Variants in FBXO16 observed in about 807,000 individuals in gnomAD.
The protein encoded by FBXO16 is F-box protein 16, also known as F-box only protein 16.
Under a neutral mutation model 41.0 loss-of-function variants are expected in FBXO16, and 31 were observed. The observed-to-expected ratio is 0.76, with a 90% CI of 0.57 to 1.02. The LOEUF is 1.02. FBXO16 is among the 50% of genes least tolerant of loss of function. The pLI is 0.00. For missense variants in FBXO16, 361 were observed against 346.2 expected (o/e 1.04, Z -0.34); for synonymous variants, 133 against 117.8 (o/e 1.13, Z -0.84).
intron 3 of FBXO16, 69 bp from the exon 4 acceptor site, chr8:28,463,887 T>A: frequency 7.0e-7 from 1 of 1,421,634 alleles, no homozygotes; most frequent in Non-Finnish European, 9.8e-7. Flanking sequence ...TCATTACGAG[T>A]AAGACATGAC....
In FBXO16 at chr8:28,447,724, C is replaced by T. The variant is rs541785133; in HGVS notation, c.741-451G>A. On this transcript the variant is annotated intron_variant, in intron 6 of 8. Coordinates refer to ENST00000380254, the MANE Select transcript of FBXO16 (RefSeq NM_172366.4). ...ATCCCAGCACTTTGGGAGGCCAAGG[C>T]GGGTGGATCACCTGAGGTCAGGGGT... Among the ~76,000 whole-genome samples, 11 of 152,262 alleles carry T rather than the reference C, an allele frequency of 7.2e-5. No individual in the cohort carries two copies. In the South Asian group the frequency reaches 2.1e-3, roughly 29 times the overall value.
intron 7 of FBXO16, among the ~76,000 whole-genome samples, chr8:28,433,178 G>A (rs375352385): frequency 3.0e-4 from 45 of 152,174 alleles, no homozygotes; most frequent in African/African-American, 1.0e-3. Flanking sequence ...GTAATTCAAA[G>A]ATATTTTTCT....
intron 2 of FBXO16, 71 bp downstream of exon 2, chr8:28,483,277 T>C (rs1803544062): frequency 7.5e-7 from 1 of 1,327,596 alleles, no homozygotes; most frequent in Non-Finnish European, 1.1e-6. Context: ...CATATTTTGG[T>C]AAGTAAAATT....
intron 2 of FBXO16, among the ~76,000 whole-genome samples, chr8:28,478,737 C>T (rs769686715): frequency 1.3e-5 from 2 of 149,910 alleles, no homozygotes; most frequent in African/African-American, 2.5e-5. Context: ...GCAGGAGAAT[C>T]GCTTGAACTG....
chr8:28,446,565 C>A (rs564495178), intron 7 of FBXO16, among the ~76,000 whole-genome samples: 2 of 151,918 alleles, frequency 1.3e-5, no homozygotes, highest in South Asian at 4.2e-4. Context: ...GAAGAAAGAA[C>A]CACTGATAAA....
rs35959759 is a variant in FBXO16 at position 28,478,821 on chromosome 8, C to CAAAAAAAA, written c.99+4519_99+4526dup. On this transcript the variant is annotated intron_variant, in intron 2 of 8. Coordinates refer to ENST00000380254, the MANE Select transcript of FBXO16 (RefSeq NM_172366.4). Reference sequence around the variant, plus strand: ...TGGGCAACACAATGAATTCTGTCTCCAAAAAAAAAAAAAAAAAAAAATTGT... The same window carrying CAAAAAAAA: ...TGGGCAACACAATGAATTCTGTCTCCAAAAAAAAAAAAAAAAAAAAAAAAAAAAATTGT... 5.2e-3 allele frequency among the ~76,000 whole-genome samples: 617 copies of CAAAAAAAA among 117,690 alleles called. 3 individuals are homozygous for CAAAAAAAA. The highest frequency in any genetic ancestry group is 0.019 in the African/African-American group (582 of 30,702). 77.2% of individuals were successfully genotyped at this position (117,690 alleles called of 152,430 possible).
chr8:28,431,996 C>G (rs1049188146), intron 7 of FBXO16, among the ~76,000 whole-genome samples: 14 of 138,022 alleles, frequency 1.0e-4, no homozygotes, highest in African/African-American at 5.0e-4. Context: ...TCCAGTGATA[C>G]TGCATATGTA....
Position 28,438,030 on chromosome 8 carries a change from T to C in FBXO16, c.844-8627A>G, listed in dbSNP as rs545082086. 3.3e-5 allele frequency among the ~76,000 whole-genome samples: 5 copies of C among 152,214 alleles called. No homozygotes were observed. In the East Asian group the frequency reaches 9.7e-4, roughly 29 times the overall value. On this transcript the variant is annotated intron_variant, in intron 7 of 8. Coordinates refer to ENST00000380254, the MANE Select transcript of FBXO16 (RefSeq NM_172366.4). ...TTTCTTACACAGTGGAAACTGACTA[T>C]AAGGGCCAGGTGCAGTGGCTCACAT...
intron 1 of FBXO16, among the ~76,000 whole-genome samples, chr8:28,484,737 G>A (rs143456786): frequency 0.028 from 4,274 of 151,068 alleles, 182 homozygotes; most frequent in African/African-American, 0.098. Context: ...GACTACAGGC[G>A]CCCGCCATCA....
chr8:28,480,118 T>G (rs1406225170), intron 2 of FBXO16, among the ~76,000 whole-genome samples: 1 of 152,160 alleles, frequency 6.6e-6, no homozygotes, highest in Non-Finnish European at 1.5e-5. Context: ...TCTCTGCCTT[T>G]CCTTTTGTTT....
intron 6 of FBXO16, among the ~76,000 whole-genome samples, chr8:28,449,745 GTGAGGATCA>G (rs1468791067): frequency 1.3e-5 from 2 of 151,942 alleles, no homozygotes; most frequent in Admixed American, 1.3e-4. Flanking sequence ...AGGCTGAGGT[GTGAGGATCA>G]TGAGGTTAGG....
Position 28,454,753 on chromosome 8 carries a change from G to GAAAAAA in FBXO16, c.507+2012_507+2013insTTTTTT, listed in dbSNP as rs1563363014. 3.6e-4 allele frequency among the ~76,000 whole-genome samples: 21 copies of GAAAAAA among 58,330 alleles called. 2 individuals carry two copies. Among genetic ancestry groups the GAAAAAA allele is most frequent in the African/African-American group, 1.2e-3 (12 of 10,050 alleles). 38.3% of individuals were successfully genotyped at this position (58,330 alleles called of 152,430 possible). On this transcript the variant is annotated intron_variant, in intron 5 of 8. Transcript: ENST00000380254. ...AAAAAAAAAAAAAAAAAAAAAAAAG[G>GAAAAAA]ATCATTAATTCTATATAGTACAAAA...
At chr8:28,455,359 C>T (rs1017815890) in intron 5 of FBXO16, among the ~76,000 whole-genome samples, 4 of 152,074 alleles carry the variant, frequency 2.6e-5, no homozygotes, top group South Asian at 2.1e-4. Context: ...AACTCAGCCT[C>T]CCAAGTAGCT....
At chr8:28,466,560 G>A (rs1803245090) in intron 3 of FBXO16, among the ~76,000 whole-genome samples, 1 of 151,806 alleles carries the variant, frequency 6.6e-6, no homozygotes, top group South Asian at 2.1e-4. Flanking sequence ...GGGAGGCCGA[G>A]GTGGGTGGAT....
At chr8:28,449,176 A>C (rs968742178) in intron 6 of FBXO16, 9 of 152,318 alleles carry the variant, frequency 5.9e-5, no homozygotes, top group Admixed American at 3.9e-4. Flanking sequence ...GAATGTGAGA[A>C]GCTCTCTGGG....
At chr8:28,451,384 T>A (rs867205917) in intron 6 of FBXO16, among the ~76,000 whole-genome samples, 2 of 151,302 alleles carry the variant, frequency 1.3e-5, no homozygotes, top group Non-Finnish European at 2.9e-5. Flanking sequence ...GTTGTTGTTT[T>A]TTTTTTTTTT....
At chr8:28,483,213 T>A (rs551237917) in intron 2 of FBXO16, 135 bp downstream of exon 2, 1 of 781,516 alleles carries the variant, frequency 1.3e-6, no homozygotes, top group East Asian at 2.9e-5. Context: ...AGTTTTGGAA[T>A]ATCTTCATTT....
rs749488144 is a variant in FBXO16, at chr8:28,473,741, T to C, written c.135+31A>G. On this transcript the variant is annotated intron_variant, in intron 3 of 8. Coordinates refer to ENST00000380254, the MANE Select transcript of FBXO16 (RefSeq NM_172366.4). ...AAAGATGAAAACAGATAACATAACATAATGCAAAAATAGTATTTTTAAATG... is the reference window on the plus strand; with the variant it reads ...AAAGATGAAAACAGATAACATAACACAATGCAAAAATAGTATTTTTAAATG... The C allele has an allele frequency of 1.1e-5, 18 of 1,573,656 alleles. No individual in the cohort carries two copies. The East Asian group carries it at 2.0e-4, about 18-fold the overall frequency.
In FBXO16 at chr8:28,433,988, TCTCACTCTGGTGCCGAGG is replaced by T. The variant is rs567051539; in HGVS notation, c.844-4603_844-4586del. ...TTTTTTTTTTTTTTTTGAGATAGAG[TCTCACTCTGGTGCCGAGG>T]CTGGAGTGCAGTGGCACGATCTCAG... On this transcript the variant is annotated intron_variant, in intron 7 of 8. Transcript: ENST00000380254. Among the ~76,000 whole-genome samples the T allele has an allele frequency of 5.8e-3, 802 of 139,190 alleles. 2 individuals are homozygous for T. Among genetic ancestry groups the T allele is most frequent in the Non-Finnish European group, 7.9e-3 (530 of 66,916 alleles). 91.3% of individuals were successfully genotyped at this position (139,190 alleles called of 152,430 possible). A position where few individuals can be genotyped will look rare whatever the true frequency, so the allele number is the denominator to read the frequency against.
Sources: allele counts gnomAD v4.1 joint callset (sites outside exome capture counted in the v4.1 genomes callset), GRCh38; gene constraint gnomAD v4.1.1; transcripts MANE v1.5; gene names NCBI Gene and HGNC (gene_info 2026-07-23, HGNC 2026-07-21).